The following KMT2A variants were observed in gnomAD, a reference collection of about 807,000 sequenced individuals.
KMT2A encodes the protein lysine methyltransferase 2A.
KMT2A carries 16 observed loss-of-function variants against 345.3 expected under a neutral mutation model. The observed-to-expected ratio is 0.05, with a 90% CI of 0.03 to 0.07. KMT2A has a LOEUF of 0.07. Among genes scored for constraint, KMT2A ranks in the 10% least tolerant of loss-of-function variants. The pLI, the probability that KMT2A is intolerant of heterozygous loss-of-function variation, is 1.00. For missense variants in KMT2A, 3,272 were observed against 4,841.6 expected, an observed-to-expected ratio of 0.68 and a Z score of 9.62; for synonymous variants, 1,599 against 1,778.6, an observed-to-expected ratio of 0.90 and a Z score of 2.54.
Position 118,473,429 on chromosome 11 carries a change from CAAG to C in KMT2A, c.2274_2276del (p.Arg758del). On this transcript the variant is annotated inframe_deletion, in exon 3 of 36. Coordinates refer to ENST00000534358, the MANE Select transcript of KMT2A (RefSeq NM_001197104.2). This position sits in a 1 kb window ranked among gnomAD's most constrained non-coding sequence, Gnocchi z 5.2. ...AGATCTCCTTCTCACTCCATGAGGA[CAAG>C]AAGTGGAAGGCTTAGTAGTTCTGAG... The C allele has an allele frequency of 6.2e-7, 1 of 1,614,200 alleles. No individual in the cohort carries two copies. Among genetic ancestry groups the C allele is most frequent in the East Asian group, 2.2e-5 (1 of 44,888 alleles).
In KMT2A at chr11:118,473,772, C is replaced by G. The variant is rs2134270678; in HGVS notation, c.2613C>G (p.Asp871Glu). Reference protein sequence around the residue: ...DRDADKSVEKDKSRERDRERE... With the variant: ...DRDADKSVEKEKSRERDRERE... ...ATGCTGACAAGAGCGTGGAGAAGGA[C>G]AAGAGTAGAGAGAGAGACCGGGAGA... is the stretch of plus-strand genomic sequence containing the variant. The change falls in exon 3 of 36, where the codon GAC becomes GAG. Residue 871 changes from aspartate to glutamate, a missense_variant. This residue lies in a region of KMT2A where 209 missense variants were observed against 237.4 expected (regional missense o/e 0.88). Transcript: ENST00000534358. The surrounding 1 kb of genome is among the most constrained non-coding windows in gnomAD (Gnocchi z 5.2). 2 of 1,613,576 alleles carry G rather than the reference C, an allele frequency of 1.2e-6. No homozygotes were observed. Among genetic ancestry groups the G allele is most frequent in the African/African-American group, 2.7e-5 (2 of 74,912 alleles).
chr11:118,512,004 C>T lies in KMT2A; in HGVS notation c.11125C>T (p.Leu3709=), dbSNP rs1555050224. 1 of 1,614,070 alleles carries T rather than the reference C, an allele frequency of 6.2e-7. No individual in the cohort carries two copies. The highest frequency in any genetic ancestry group is 8.5e-7 in the Non-Finnish European group (1 of 1,179,964). The change falls in exon 31 of 36, where the codon CTA becomes TTA. Residue 3709 remains leucine, a synonymous_variant. Coordinates refer to ENST00000534358, the MANE Select transcript of KMT2A (RefSeq NM_001197104.2). Reference sequence around the variant, plus strand: ...CCAGGAAGCTCGATCAAATGCCCGCCTAAAGCAGCTCTCATTTGCAGGTAA... The same window carrying T: ...CCAGGAAGCTCGATCAAATGCCCGCTTAAAGCAGCTCTCATTTGCAGGTAA... ...KVQEARSNAR[L]KQLSFAGVNG... is the part of the protein sequence containing the mutation.
intron 10 of KMT2A, among the ~76,000 whole-genome samples, chr11:118,486,037 C>T (rs920275008): frequency 2.0e-5 from 3 of 152,106 alleles, no homozygotes; most frequent in African/African-American, 2.4e-5. Context: ...GAGCCGAGAT[C>T]GCCCCACTGC....
Position 118,521,504 on chromosome 11 carries a change from G to GT in KMT2A, c.11643+88dup, listed in dbSNP as rs552680760. ...ACCCCTGGATCACAAAAGAAATAGT[G>GT]TATGTTATCAATTCAGAGACCTTTC... On this transcript the variant is annotated intron_variant, in intron 35 of 35. Transcript: ENST00000534358. This position sits in a 1 kb window ranked among gnomAD's most constrained non-coding sequence, Gnocchi z 5.3. The GT allele has an allele frequency of 7.5e-6, 11 of 1,460,506 alleles. No individual in the cohort carries two copies. The highest frequency in any genetic ancestry group is 1.0e-5 in the Non-Finnish European group (11 of 1,072,240). The allele number at this position is 1,460,506 out of a possible 1,614,324, so 90.5% of individuals were successfully genotyped here.
intron 1 of KMT2A, among the ~76,000 whole-genome samples, chr11:118,466,708 G>C (rs1949850191): frequency 6.6e-6 from 1 of 152,032 alleles, no homozygotes; most frequent in Non-Finnish European, 1.5e-5. Flanking sequence ...CCAGCTACTT[G>C]GGAGGGTGAG....
chr11:118,480,711 G>A (rs976144110), intron 6 of KMT2A, among the ~76,000 whole-genome samples: 20 of 152,036 alleles, frequency 1.3e-4, no homozygotes, highest in African/African-American at 4.8e-4. Context: ...CTTTCAGGCT[G>A]GGGTGCAGTA....
rs1192875458 is a variant in KMT2A at position 118,476,313 on chromosome 11, A to G, written c.3157-492A>G. Reference sequence around the variant, plus strand: ...ATACCACACTGAACTTTTTGATAATATAGACTGGCAGCTTGAATTTTGAGG... The same window carrying G: ...ATACCACACTGAACTTTTTGATAATGTAGACTGGCAGCTTGAATTTTGAGG... On this transcript the variant is annotated intron_variant, in intron 3 of 35. Coordinates refer to ENST00000534358, the MANE Select transcript of KMT2A (RefSeq NM_001197104.2). The surrounding 1 kb of genome is among the most constrained non-coding windows in gnomAD (Gnocchi z 4.1). 6.6e-6 allele frequency among the ~76,000 whole-genome samples: 1 copy of G among 152,192 alleles called. No homozygotes were observed. Among genetic ancestry groups the G allele is most frequent in the Non-Finnish European group, 1.5e-5 (1 of 68,032 alleles).
At chr11:118,474,377 T>G in intron 3 of KMT2A, 62 bp downstream of exon 3, 1 of 1,547,032 alleles carries the variant, frequency 6.5e-7, no homozygotes, top group Non-Finnish European at 8.7e-7. Flanking sequence ...TATGGGCAAG[T>G]TTTAGGCTAA....
rs782727086 is a variant in KMT2A at position 118,506,142 on chromosome 11, C to A, written c.10250C>A (p.Thr3417Asn). ...GMFPQLGTSQ[T>N]PSTAAITAAS... Reference sequence around the variant, plus strand: ...TTTCCACAACTGGGGACATCACAGACCCCCTCTACTGCTGCAATAACAGCG... The same window carrying A: ...TTTCCACAACTGGGGACATCACAGAACCCCTCTACTGCTGCAATAACAGCG... Residue 3417 changes from threonine (T) to asparagine (N), a missense_variant, in exon 27 of 36, where the codon ACC (threonine) becomes AAC (asparagine). Around this residue, in one of 27 missense-constraint regions of KMT2A, gnomAD observed 748 missense variants for 922.2 expected, o/e 0.81. Coordinates refer to ENST00000534358, the MANE Select transcript of KMT2A (RefSeq NM_001197104.2). 2.5e-6 allele frequency: 4 copies of A among 1,614,172 alleles called. No individual in the cohort carries two copies. Among genetic ancestry groups the A allele is most frequent in the Non-Finnish European group, 3.4e-6 (4 of 1,180,044 alleles).
intron 1 of KMT2A, among the ~76,000 whole-genome samples, chr11:118,457,958 C>T (rs539226576): frequency 5.9e-5 from 9 of 152,164 alleles, no homozygotes; most frequent in African/African-American, 2.2e-4. Flanking sequence ...GTTTTCATAC[C>T]GTAGCCTAGG....
chr11:118,437,128 C>T (rs1175632791), intron 1 of KMT2A, among the ~76,000 whole-genome samples, 184 bp downstream of exon 1: 1 of 151,702 alleles, frequency 6.6e-6, no homozygotes, highest in Non-Finnish European at 1.5e-5. Flanking sequence ...CGCCCCCACC[C>T]CGGGGTTTGG....
Position 118,503,229 on chromosome 11 carries a change from G to A in KMT2A, c.7337G>A (p.Ser2446Asn), listed in dbSNP as rs1278034627. The A allele has an allele frequency of 4.3e-6, 7 of 1,613,942 alleles. No homozygotes were observed. The highest frequency in any genetic ancestry group is 5.1e-6 in the Non-Finnish European group (6 of 1,180,004). Residue 2446 changes from serine to asparagine, a missense_variant, in exon 27 of 36, where the codon AGT becomes AAT. By Grantham distance (46) the Ser-to-Asn change is conservative. Coordinates refer to ENST00000534358, the MANE Select transcript of KMT2A (RefSeq NM_001197104.2). The surrounding 1 kb of genome is among the most constrained non-coding windows in gnomAD (Gnocchi z 5.3). ...CKETFKEKHS[S>N]KSFLEPGQVT... is the part of the protein sequence containing the mutation. Reference sequence around the variant, plus strand: ...GAAACTTTCAAAGAAAAGCATTCCAGTAAATCTTTTTTGGAACCTGGTCAG... The same window carrying A: ...GAAACTTTCAAAGAAAAGCATTCCAATAAATCTTTTTTGGAACCTGGTCAG...
intron 28 of KMT2A, among the ~76,000 whole-genome samples, chr11:118,507,986 C>A (rs916209300): frequency 3.3e-5 from 5 of 152,114 alleles, no homozygotes; most frequent in Non-Finnish European, 5.9e-5. Flanking sequence ...AAAAATAGTT[C>A]TTCCTGATTC....
In KMT2A at chr11:118,491,683, C is replaced by A; in HGVS notation, c.4820-61C>A. On this transcript the variant is annotated intron_variant, in intron 14 of 35. Transcript: ENST00000534358. The surrounding 1 kb of genome is among the most constrained non-coding windows in gnomAD (Gnocchi z 4.2). ...ATAGTAAGTTCAGTGGAATAGTTTC[C>A]TCTTCTTCCTCTCTCTCATTCTTCA... 7.6e-7 allele frequency: 1 copy of A among 1,312,350 alleles called. No individual in the cohort carries two copies. Among genetic ancestry groups the A allele is most frequent in the Non-Finnish European group, 1.1e-6 (1 of 948,914 alleles). 81.3% of individuals were successfully genotyped at this position (1,312,350 alleles called of 1,614,324 possible). A position where few individuals can be genotyped will look rare whatever the true frequency, so the allele number is the denominator to read the frequency against.
At chr11:118,486,699 C>T (rs1950236025) in intron 10 of KMT2A, among the ~76,000 whole-genome samples, 1 of 151,608 alleles carries the variant, frequency 6.6e-6, no homozygotes, top group African/African-American at 2.4e-5. Context: ...ATAGTGAGAC[C>T]TCATCTCTAC....
intron 10 of KMT2A, among the ~76,000 whole-genome samples, chr11:118,488,094 C>T (rs1241916250): frequency 3.3e-5 from 5 of 152,256 alleles, no homozygotes; most frequent in African/African-American, 9.6e-5. Context: ...GCTGGAGAAT[C>T]GCTTGAACCC....
At position 118,491,364 on chromosome 11, in the gene KMT2A, C is replaced by T. The variant is rs782500523; in HGVS notation, c.4819+46C>T. 24 of 1,579,390 alleles carry T rather than the reference C, an allele frequency of 1.5e-5. No individual in the cohort carries two copies. Among genetic ancestry groups the T allele is most frequent in the African/African-American group, 4.1e-5 (3 of 73,458 alleles). ...GTTTTCTTCTTTCTAGGTACTACTA[C>T]ATTTATTAGCCTCTAGAGCACTTTA... On this transcript the variant is annotated intron_variant, in intron 14 of 35. Transcript: ENST00000534358. The surrounding 1 kb of genome is among the most constrained non-coding windows in gnomAD (Gnocchi z 4.2).
At chr11:118,463,280 CT>C (rs1174488306) in intron 1 of KMT2A, among the ~76,000 whole-genome samples, 1 of 152,068 alleles carries the variant, frequency 6.6e-6, no homozygotes, top group Non-Finnish European at 1.5e-5. Flanking sequence ...AGATTAATAA[CT>C]TTTTATTACC....
rs782722258 is a variant in KMT2A, at chr11:118,473,265, T to C, written c.2106T>C (p.Phe702=). The change falls in exon 3 of 36, where the codon TTT becomes TTC. Residue 702 remains phenylalanine (F), a synonymous_variant. Transcript: ENST00000534358. The surrounding 1 kb of genome is among the most constrained non-coding windows in gnomAD (Gnocchi z 5.2). ...KRSPLLRAPR[F]TPSEAHSRIF... Reference sequence around the variant, plus strand: ...GCCCTCTTCTGAGAGCTCCAAGATTTACTCCAAGTGAGGCTCACTCTAGAA... The same window carrying C: ...GCCCTCTTCTGAGAGCTCCAAGATTCACTCCAAGTGAGGCTCACTCTAGAA... 3 of 1,611,460 alleles carry C rather than the reference T, an allele frequency of 1.9e-6. No homozygotes were observed. Among genetic ancestry groups the C allele is most frequent in the African/African-American group, 2.7e-5 (2 of 74,806 alleles).
Sources: gnomAD v4.1 joint callset for allele counts (sites outside exome capture counted in the v4.1 genomes callset) on GRCh38, gnomAD v4.1.1 for gene constraint, gnomAD v4.1.1 regional missense constraint, Gnocchi (gnomAD v3.1) non-coding constraint, MANE v1.5 for transcripts, NCBI Gene and HGNC (gene_info 2026-07-23, HGNC 2026-07-21) for gene names.